Variants in RMDN3 observed in about 807,000 individuals in gnomAD.
RMDN3 encodes regulator of microtubule dynamics protein 3.
A neutral mutation model predicts 61.8 loss-of-function variants in RMDN3; 41 were observed. The observed-to-expected ratio is 0.66, with a 90% CI of 0.52 to 0.86. The LOEUF is 0.86. Among genes scored for constraint, RMDN3 ranks in the 40% least tolerant of loss-of-function variants. The pLI is 0.00. For missense variants in RMDN3, 557 were observed against 585.3 expected, an observed-to-expected ratio of 0.95 and a Z score of 0.50; for synonymous variants, 247 against 232.0, an observed-to-expected ratio of 1.06 and a Z score of -0.59.
At chr15:40,749,919 C>T (rs1311064249) in intron 4 of RMDN3, among the ~76,000 whole-genome samples, 1 of 152,150 alleles carries the variant, frequency 6.6e-6, no homozygotes, top group African/African-American at 2.4e-5. Context: ...GAGCTCTTCA[C>T]CACCACTCCA....
rs1202896199 is a variant in RMDN3, at chr15:40,748,946, G to A, written c.524+2480C>T. Reference sequence around the variant, plus strand: ...TGAGACAGAGTACTGCTCTATCACCGAGGCTGGAGTGCAGTGGTGCCATCT... The same window carrying A: ...TGAGACAGAGTACTGCTCTATCACCAAGGCTGGAGTGCAGTGGTGCCATCT... On this transcript the variant is annotated intron_variant, in intron 4 of 12. Transcript: ENST00000338376. 6.5e-5 allele frequency among the ~76,000 whole-genome samples: 9 copies of A among 138,582 alleles called. No individual in the cohort carries two copies. In the East Asian group the frequency reaches 6.6e-4, roughly 10 times the overall value. 90.9% of individuals were successfully genotyped at this position (138,582 alleles called of 152,430 possible). A position where few individuals can be genotyped will look rare whatever the true frequency, so the allele number is the denominator to read the frequency against.
chr15:40,744,267 A>C (rs1436901407), intron 5 of RMDN3, 118 bp from the exon 6 acceptor site: 1 of 844,686 alleles, frequency 1.2e-6, no homozygotes, highest in Admixed American at 2.1e-5. Flanking sequence ...ACAGTCATCA[A>C]TATCAGGCCA....
chr15:40,736,670 G>A (rs951298565), intron 12 of RMDN3, 76 bp from the exon 13 acceptor site: 7 of 1,298,914 alleles, frequency 5.4e-6, no homozygotes, highest in South Asian at 1.2e-5. Flanking sequence ...CCTAAGAAGA[G>A]GGGCCCTTTG....
intron 7 of RMDN3, 126 bp downstream of exon 7, chr15:40,740,007 C>G (rs750728095): frequency 4.3e-6 from 3 of 696,246 alleles, no homozygotes; most frequent in African/African-American, 3.5e-5. Flanking sequence ...TGTGGAGATA[C>G]AAGCCAGAAC....
At chr15:40,754,998 C>G (rs1005119665) in intron 1 of RMDN3, 85 bp downstream of exon 1, 12 of 534,878 alleles carry the variant, frequency 2.2e-5, no homozygotes, top group African/African-American at 1.9e-4. Context: ...TGCCTCTCTT[C>G]TCACCCAGCC....
chr15:40,751,289 A>T, intron 4 of RMDN3, 137 bp downstream of exon 4: 1 of 1,095,466 alleles, frequency 9.1e-7, no homozygotes, highest in Non-Finnish European at 1.3e-6. Flanking sequence ...TTTTTGTTTC[A>T]ACTCTTCTGT....
At chr15:40,754,242 T>C (rs1897944806) in intron 2 of RMDN3, among the ~76,000 whole-genome samples, 1 of 151,428 alleles carries the variant, frequency 6.6e-6, no homozygotes, top group East Asian at 1.9e-4. Flanking sequence ...GCGATTCTCG[T>C]GCCTCAGCCT....
rs1897814040 is a variant in RMDN3 at position 40,751,420 on chromosome 15, A to G, written c.524+6T>C. ...GCCATAACTGCCTCCAAGAGAGACA[A>G]CTCACCCCCCTTCACTCTCAGCATC... On this transcript the variant is annotated splice_donor_region_variant and intron_variant, in intron 4 of 12. Coordinates refer to ENST00000338376, the MANE Select transcript of RMDN3 (RefSeq NM_018145.3). 6.2e-7 allele frequency: 1 copy of G among 1,613,738 alleles called. No homozygotes were observed. Among genetic ancestry groups the G allele is most frequent in the Non-Finnish European group, 8.5e-7 (1 of 1,179,762 alleles).
At chr15:40,743,807 T>TA (rs1446245216) in intron 6 of RMDN3, among the ~76,000 whole-genome samples, 1 of 152,244 alleles carries the variant, frequency 6.6e-6, no homozygotes, top group Non-Finnish European at 1.5e-5. Context: ...AGGATACAAC[T>TA]ACTCCTAGAA....
At chr15:40,740,991 G>C (rs542480274) in intron 6 of RMDN3, among the ~76,000 whole-genome samples, 8 of 152,010 alleles carry the variant, frequency 5.3e-5, no homozygotes, top group Non-Finnish European at 1.2e-4. Context: ...GGCTGAGGCA[G>C]GAGAATCACT....
chr15:40,749,340 C>T (rs1466050141), intron 4 of RMDN3, among the ~76,000 whole-genome samples: 9 of 152,096 alleles, frequency 5.9e-5, no homozygotes, highest in African/African-American at 2.4e-5. Context: ...ACAGTGAGAC[C>T]CCATCTGTAC....
intron 3 of RMDN3, 188 bp downstream of exon 3, chr15:40,751,798 C>T (rs1414668293): frequency 1.2e-6 from 1 of 810,240 alleles, no homozygotes; most frequent in East Asian, 2.6e-5. Context: ...ACAGATCAAC[C>T]ATGAGAGTCC....
intron 4 of RMDN3, among the ~76,000 whole-genome samples, chr15:40,749,724 A>T (rs1176966588): frequency 1.3e-5 from 2 of 152,184 alleles, no homozygotes. Context: ...TCTCTCTTCA[A>T]TTCAGATGTA....
Position 40,745,045 on chromosome 15 carries a change from C to T in RMDN3, c.739G>A (p.Glu247Lys), listed in dbSNP as rs766526664. 1.4e-5 allele frequency: 22 copies of T among 1,613,964 alleles called. No individual in the cohort carries two copies. Among genetic ancestry groups the T allele is most frequent in the African/African-American group, 2.7e-5 (2 of 74,892 alleles). The change falls in exon 5 of 13, where the codon GAG becomes AAG. Residue 247 changes from glutamate to lysine, a missense_variant. Physicochemically the swap from Glu to Lys is moderately conservative, Grantham distance 56 (BLOSUM62 1). Transcript: ENST00000338376. Reference protein sequence around the residue: ...DVLPLLQQADELHRGDEQGKR... With the variant: ...DVLPLLQQADKLHRGDEQGKR... ...CCTTGCTCATCACCCCTGTGCAGCT[C>T]GTCGGCCTGCTGCAGGAGGGGCAGC...
chr15:40,754,896 C>T, intron 1 of RMDN3, 106 bp from the exon 2 acceptor site: 3 of 946,180 alleles, frequency 3.2e-6, no homozygotes, highest in South Asian at 1.7e-5. Flanking sequence ...AGGCTGAACC[C>T]CGGCAGGTAT....
chr15:40,738,144 T>C lies in RMDN3; in HGVS notation c.1048-102A>G. 15 of 1,252,628 alleles carry C rather than the reference T, an allele frequency of 1.2e-5. No individual in the cohort carries two copies. In the South Asian group the frequency reaches 1.7e-4, roughly 14 times the overall value. 77.6% of individuals were successfully genotyped at this position (1,252,628 alleles called of 1,614,324 possible). A position where few individuals can be genotyped will look rare whatever the true frequency, so the allele number is the denominator to read the frequency against. On this transcript the variant is annotated intron_variant, in intron 8 of 12. Coordinates refer to ENST00000338376, the MANE Select transcript of RMDN3 (RefSeq NM_018145.3). ...GCTCATGCCTGTAATCCCTGCACTT[T>C]GGGAAGCTGAGGCAGGTGGATCACC...
intron 4 of RMDN3, among the ~76,000 whole-genome samples, chr15:40,750,197 C>A (rs1453758582): frequency 1.3e-5 from 2 of 149,958 alleles, no homozygotes; most frequent in South Asian, 2.1e-4. Flanking sequence ...ACCCATGCCA[C>A]CATGCCCAGC....
rs768820661 is a variant in RMDN3, at chr15:40,738,546, C to T, written c.1002G>A (p.Glu334=). 9 of 1,614,010 alleles carry T rather than the reference C, an allele frequency of 5.6e-6. No individual in the cohort carries two copies. The highest frequency in any genetic ancestry group is 7.6e-6 in the Non-Finnish European group (9 of 1,180,028). The change falls in exon 8 of 13, where the codon GAG becomes GAA. Residue 334 remains glutamate (E), a synonymous_variant. Transcript: ENST00000338376. ...GGATGCGCCTCTGGATGCTCTCATG[C>T]TCAGCCAGCTGACCACAAAGCACCG... is the stretch of plus-strand genomic sequence containing the variant. The part of the protein sequence containing the change: ...WYAVLCGQLA[E]HESIQRRIQS...
At chr15:40,753,382 C>T (rs1047208984) in intron 2 of RMDN3, among the ~76,000 whole-genome samples, 1 of 152,010 alleles carries the variant, frequency 6.6e-6, no homozygotes, top group South Asian at 2.1e-4. Flanking sequence ...CATGGTGGCA[C>T]GCACCTGTGA....
Sources: gnomAD v4.1 joint callset for allele counts (sites outside exome capture counted in the v4.1 genomes callset) on GRCh38, gnomAD v4.1.1 for gene constraint, MANE v1.5 for transcripts, NCBI Gene and HGNC (gene_info 2026-07-23, HGNC 2026-07-21) for gene names.